KIAA0825: variants seen among roughly 807,000 people sequenced by gnomAD.
KIAA0825 encodes the protein uncharacterized protein KIAA0825.
Under a neutral mutation model 147.6 loss-of-function variants are expected in KIAA0825, and 119 were observed. That is an observed-to-expected ratio of 0.81 (90% CI 0.69 to 0.94). The LOEUF (loss-of-function observed/expected upper bound fraction) is 0.94, where lower values mean the gene tolerates loss of function less well. KIAA0825 is among the 40% of genes least tolerant of loss of function. KIAA0825 has a pLI of 0.00. For synonymous variants in KIAA0825, 470 were observed against 518.1 expected (o/e 0.91, Z 1.26); for missense variants, 1,381 against 1,472.7 (o/e 0.94, Z 1.02).
intron 20 of KIAA0825, among the ~76,000 whole-genome samples, chr5:94,287,640 T>C (rs905843889): frequency 2.0e-5 from 3 of 152,308 alleles, no homozygotes; most frequent in African/African-American, 7.2e-5. Flanking sequence ...CCTCTCAAGA[T>C]GTATTTAGAA....
chr5:94,340,889 G>A (rs1171236037), intron 20 of KIAA0825, among the ~76,000 whole-genome samples: 1 of 152,180 alleles, frequency 6.6e-6, no homozygotes, highest in Non-Finnish European at 1.5e-5. Flanking sequence ...ATAACGCAGT[G>A]CTGGGAAGAG....
intron 20 of KIAA0825, among the ~76,000 whole-genome samples, chr5:94,317,281 A>G (rs1482272562): frequency 1.2e-4 from 18 of 151,864 alleles, no homozygotes; most frequent in Non-Finnish European, 2.7e-4. Flanking sequence ...GACTCACCAG[A>G]GTACCATATT....
chr5:94,300,110 T>G (rs1778322960), intron 20 of KIAA0825, among the ~76,000 whole-genome samples: 1 of 152,032 alleles, frequency 6.6e-6, no homozygotes, highest in South Asian at 2.1e-4. Context: ...TAATACAATA[T>G]TGTATCCAAT....
chr5:94,209,584 A>G (rs1037895692), intron 20 of KIAA0825, among the ~76,000 whole-genome samples: 1 of 152,200 alleles, frequency 6.6e-6, no homozygotes, highest in Admixed American at 6.5e-5. Flanking sequence ...TGCTGCTTTT[A>G]CTAATTAACA....
At chr5:94,189,609 CTT>C (rs928259516) in intron 20 of KIAA0825, among the ~76,000 whole-genome samples, 5 of 152,004 alleles carry the variant, frequency 3.3e-5, no homozygotes, top group African/African-American at 1.2e-4. Flanking sequence ...TTTCTAGACT[CTT>C]TATTAAGATT....
intron 16 of KIAA0825, among the ~76,000 whole-genome samples, chr5:94,397,798 A>T (rs990179440): frequency 9.2e-5 from 14 of 152,104 alleles, no homozygotes; most frequent in Non-Finnish European, 4.4e-5. Flanking sequence ...ATTCTATATG[A>T]TTCCAGAATC....
chr5:94,536,496 G>C (rs1193076145), intron 3 of KIAA0825, among the ~76,000 whole-genome samples: 1 of 152,172 alleles, frequency 6.6e-6, no homozygotes. Context: ...CCATTGAGCT[G>C]TCACTGTTTC....
chr5:94,514,362 C>T (rs898011875), intron 5 of KIAA0825, among the ~76,000 whole-genome samples: 1 of 151,632 alleles, frequency 6.6e-6, no homozygotes, highest in African/African-American at 2.4e-5. Context: ...CAAATCTTTC[C>T]AAATAGAAAG....
At chr5:94,487,509 T>C (rs1048187298) in intron 5 of KIAA0825, among the ~76,000 whole-genome samples, 2 of 152,222 alleles carry the variant, frequency 1.3e-5, no homozygotes, top group Non-Finnish European at 1.5e-5. Context: ...CAGTATCTCA[T>C]AGGACTAGTG....
chr5:94,377,446 A>G (rs1393436199), intron 20 of KIAA0825, among the ~76,000 whole-genome samples: 2 of 152,340 alleles, frequency 1.3e-5, no homozygotes, highest in East Asian at 1.9e-4. Context: ...CAAAATGTCA[A>G]TCTGGAGTTT....
chr5:94,524,862 G>A (rs1768964823), intron 3 of KIAA0825, among the ~76,000 whole-genome samples: 1 of 151,796 alleles, frequency 6.6e-6, no homozygotes, highest in African/African-American at 2.4e-5. Context: ...CTTGCCATAT[G>A]TATCTGTTTT....
intron 10 of KIAA0825, among the ~76,000 whole-genome samples, chr5:94,467,101 C>A (rs1034038046): frequency 2.6e-5 from 4 of 152,160 alleles, no homozygotes; most frequent in African/African-American, 4.8e-5. Context: ...TTTGGGCACA[C>A]AGATTTCTTC....
At chr5:94,192,027 T>C (rs1231251546) in intron 20 of KIAA0825, among the ~76,000 whole-genome samples, 1 of 152,232 alleles carries the variant, frequency 6.6e-6, no homozygotes, top group Non-Finnish European at 1.5e-5. Flanking sequence ...TGGGAAAAGA[T>C]GCACAAAAAA....
At position 94,587,496 on chromosome 5, in the gene KIAA0825, G is replaced by A. The variant is rs1404992811; in HGVS notation, c.-152-4913C>T. Among the ~76,000 whole-genome samples the A allele has an allele frequency of 3.3e-5, 5 of 152,126 alleles. No individual in the cohort carries two copies. The South Asian group carries it at 6.2e-4, about 19-fold the overall frequency. ...GAATCCAGCTTACAAGGGATGTGAA[G>A]GACTTCTTCAAGGAGAACTACAAAT... On this transcript the variant is annotated intron_variant, in intron 1 of 20. Coordinates refer to ENST00000682413, the MANE Select transcript of KIAA0825 (RefSeq NM_001145678.3).
chr5:94,260,526 T>C (rs774048901), intron 20 of KIAA0825, among the ~76,000 whole-genome samples: 4 of 152,176 alleles, frequency 2.6e-5, no homozygotes, highest in Non-Finnish European at 5.9e-5. Flanking sequence ...TAAAAGTCTT[T>C]CCAAAACTAG....
At chr5:94,218,404 G>C (rs1773388486) in intron 20 of KIAA0825, among the ~76,000 whole-genome samples, 1 of 152,140 alleles carries the variant, frequency 6.6e-6, no homozygotes, top group Admixed American at 6.6e-5. Flanking sequence ...CTGGGTTAGG[G>C]ATGCCTCTCC....
Position 94,515,791 on chromosome 5 carries a change from C to CAAAAAAAAAAAAAAA in KIAA0825, c.970+4442_970+4456dup, listed in dbSNP as rs754577018. ...TGGGCAACAGAGGGAGACTCTGTCT[C>CAAAAAAAAAAAAAAA]AAAAAAAAAAAAAAAATTAGAGAAA... On this transcript the variant is annotated intron_variant, in intron 5 of 20. Transcript: ENST00000682413. 6.4e-4 allele frequency among the ~76,000 whole-genome samples: 60 copies of CAAAAAAAAAAAAAAA among 93,514 alleles called. 2 individuals are homozygous for CAAAAAAAAAAAAAAA. Among genetic ancestry groups the CAAAAAAAAAAAAAAA allele is most frequent in the African/African-American group, 2.4e-3 (58 of 23,702 alleles). 61.3% of individuals were successfully genotyped at this position (93,514 alleles called of 152,430 possible).
intron 3 of KIAA0825, among the ~76,000 whole-genome samples, chr5:94,535,231 C>G (rs185909253): frequency 6.6e-6 from 1 of 151,988 alleles, no homozygotes; most frequent in African/African-American, 2.4e-5. Context: ...AATCATAGGC[C>G]AAGCATGGTG....
chr5:94,515,620 C>T (rs971277044), intron 5 of KIAA0825, among the ~76,000 whole-genome samples: 2 of 147,790 alleles, frequency 1.4e-5, no homozygotes, highest in Non-Finnish European at 2.9e-5. Context: ...GGTGAAATCC[C>T]GTCTCTACTA....
Sources: gnomAD v4.1 joint callset for allele counts (sites outside exome capture counted in the v4.1 genomes callset) on GRCh38, gnomAD v4.1.1 for gene constraint, MANE v1.5 for transcripts, NCBI Gene and HGNC (gene_info 2026-07-23, HGNC 2026-07-21) for gene names.